Variants in DMGDH observed in about 807,000 individuals in gnomAD.
DMGDH encodes dimethylglycine dehydrogenase, mitochondrial.
Under a neutral mutation model 95.2 loss-of-function variants are expected in DMGDH, and 76 were observed. The observed-to-expected ratio is 0.80, with a 90% CI of 0.66 to 0.97. The LOEUF is 0.97. Among genes scored for constraint, DMGDH ranks in the 50% least tolerant of loss-of-function variants. The pLI is 0.00. For synonymous variants in DMGDH, 345 were observed against 377.6 expected (o/e 0.91, Z 1.00); for missense variants, 987 against 1,055.0 (o/e 0.94, Z 0.89).
chr5:79,050,248 C>CAAAAAAAAAAAAA (rs57662602), intron 5 of DMGDH, among the ~76,000 whole-genome samples: 3 of 78,648 alleles, frequency 3.8e-5, no homozygotes, highest in Non-Finnish European at 7.0e-5. Context: ...AACTTTGTCT[C>CAAAAAAAAAAAAA]AAAAAAAAAA....
At chr5:79,033,608 G>A (rs1180443533) in intron 7 of DMGDH, among the ~76,000 whole-genome samples, 200 bp from the exon 8 acceptor site, 1 of 152,140 alleles carries the variant, frequency 6.6e-6, no homozygotes, top group East Asian at 1.9e-4. Context: ...TGACTTGATA[G>A]CTAGTTTATT....
intron 7 of DMGDH, among the ~76,000 whole-genome samples, chr5:79,036,325 T>A (rs1754347539): frequency 6.6e-6 from 1 of 152,246 alleles, no homozygotes; most frequent in African/African-American, 2.4e-5. Context: ...AGCATTAATC[T>A]GCAGAATTCT....
At chr5:79,067,180 G>A (rs575852544) in intron 1 of DMGDH, among the ~76,000 whole-genome samples, 11 of 152,262 alleles carry the variant, frequency 7.2e-5, no homozygotes, top group African/African-American at 1.9e-4. Flanking sequence ...ATAATTCTTA[G>A]AGCATGTCCT....
intron 7 of DMGDH, among the ~76,000 whole-genome samples, chr5:79,033,711 G>A (rs1328470759): frequency 6.6e-6 from 1 of 152,122 alleles, no homozygotes; most frequent in Non-Finnish European, 1.5e-5. Context: ...TGGAAGGATC[G>A]TTTGAGACCA....
chr5:79,015,398 C>T (rs2076135761), intron 14 of DMGDH, among the ~76,000 whole-genome samples: 1 of 152,178 alleles, frequency 6.6e-6, no homozygotes, highest in Admixed American at 6.5e-5. Flanking sequence ...ATCTGTTTCC[C>T]ATCACTAGAG....
At chr5:79,032,317 C>T (rs1328018009) in intron 9 of DMGDH, among the ~76,000 whole-genome samples, 1 of 152,162 alleles carries the variant, frequency 6.6e-6, no homozygotes, top group Non-Finnish European at 1.5e-5. Context: ...ACTCCAGGTA[C>T]ATTTTGTGGT....
intron 14 of DMGDH, among the ~76,000 whole-genome samples, chr5:79,011,343 A>G (rs1005417900): frequency 6.6e-6 from 1 of 152,242 alleles, no homozygotes; most frequent in Non-Finnish European, 1.5e-5. Flanking sequence ...GTGAGTTAGC[A>G]CCAAACCTTA....
At chr5:79,039,613 C>T (rs541226832) in intron 7 of DMGDH, among the ~76,000 whole-genome samples, 16 of 151,888 alleles carry the variant, frequency 1.1e-4, no homozygotes, top group African/African-American at 2.7e-4. Flanking sequence ...TGCTAAATGA[C>T]GAGTTAATGG....
At chr5:79,035,507 G>A (rs779172810) in intron 7 of DMGDH, among the ~76,000 whole-genome samples, 2 of 152,298 alleles carry the variant, frequency 1.3e-5, no homozygotes, top group South Asian at 2.1e-4. Flanking sequence ...ACCCTGGAAC[G>A]CATGCTCCTT....
chr5:79,023,840 G>A (rs546657458), intron 14 of DMGDH, among the ~76,000 whole-genome samples: 9 of 152,346 alleles, frequency 5.9e-5, no homozygotes, highest in African/African-American at 1.9e-4. Flanking sequence ...ATATGCTGAA[G>A]TGAGGCTGCT....
chr5:79,062,158 G>A (rs1021528323), intron 2 of DMGDH, among the ~76,000 whole-genome samples: 4 of 151,796 alleles, frequency 2.6e-5, no homozygotes, highest in Admixed American at 1.3e-4. Context: ...TTGGCAGGTC[G>A]CCTCTTTGAA....
At chr5:79,033,545 GAAC>G in intron 7 of DMGDH, 137 bp from the exon 8 acceptor site, 1 of 1,071,520 alleles carries the variant, frequency 9.3e-7, no homozygotes, top group Non-Finnish European at 1.4e-6. Context: ...AATCTCTATG[GAAC>G]AATTTTTTCC....
intron 14 of DMGDH, among the ~76,000 whole-genome samples, chr5:79,007,437 C>G (rs56413520): frequency 0.13 from 19,772 of 151,976 alleles, 1,615 homozygotes; most frequent in Non-Finnish European, 0.18. Flanking sequence ...TGGAACCAAT[C>G]CCCCACATAC....
At chr5:79,051,820 T>C (rs1459910205) in intron 4 of DMGDH, among the ~76,000 whole-genome samples, 4 of 152,354 alleles carry the variant, frequency 2.6e-5, no homozygotes, top group Non-Finnish European at 5.9e-5. Flanking sequence ...ATAATATATC[T>C]GGTGTCAGGA....
intron 13 of DMGDH, among the ~76,000 whole-genome samples, chr5:79,026,209 T>C (rs1384029570): frequency 2.6e-5 from 4 of 152,182 alleles, no homozygotes; most frequent in Non-Finnish European, 5.9e-5. Flanking sequence ...CCAACTAGGA[T>C]GAATTAAGGC....
intron 14 of DMGDH, among the ~76,000 whole-genome samples, chr5:79,016,801 C>T (rs1753742275): frequency 6.6e-6 from 1 of 152,046 alleles, no homozygotes; most frequent in Admixed American, 6.5e-5. Context: ...ATTTGAGCAA[C>T]AGTAATCAAG....
At chr5:79,023,886 ACT>A (rs1753927251) in intron 14 of DMGDH, among the ~76,000 whole-genome samples, 1 of 152,256 alleles carries the variant, frequency 6.6e-6, no homozygotes, top group East Asian at 1.9e-4. Context: ...CAATGAATGC[ACT>A]ATGTTTGATC....
In DMGDH at chr5:79,026,483, C is replaced by G; in HGVS notation, c.2131G>C (p.Gly711Arg). 6.2e-7 allele frequency: 1 copy of G among 1,614,078 alleles called. No homozygotes were observed. Among genetic ancestry groups the G allele is most frequent in the Admixed American group, 1.7e-5 (1 of 60,010 alleles). The part of the protein sequence containing the change: ...AGQEEGIDNF[G>R]TYAMNALRLE... ...CGTAAGGCATTCATGGCATAGGTTCCAAAATTGTCGATTCCCTCCTCCTGG... is the reference window on the plus strand; with the variant it reads ...CGTAAGGCATTCATGGCATAGGTTCGAAAATTGTCGATTCCCTCCTCCTGG... The change falls in exon 13 of 16, where the codon GGA becomes CGA. Residue 711 changes from glycine (G) to arginine (R), a missense_variant. By Grantham distance (125) the Gly-to-Arg change is moderately radical. Transcript: ENST00000255189.
At chr5:79,043,524 A>C (rs1043788019) in intron 6 of DMGDH, among the ~76,000 whole-genome samples, 1 of 152,234 alleles carries the variant, frequency 6.6e-6, no homozygotes, top group Non-Finnish European at 1.5e-5. Flanking sequence ...TGAGGAGTAG[A>C]GTGGAGGGAT....
Sources: allele counts gnomAD v4.1 joint callset (sites outside exome capture counted in the v4.1 genomes callset), GRCh38; gene constraint gnomAD v4.1.1; transcripts MANE v1.5; gene names NCBI Gene and HGNC (gene_info 2026-07-23, HGNC 2026-07-21).